Variants in SPTB observed in about 807,000 individuals in gnomAD.
SPTB encodes spectrin beta chain, erythrocytic.
SPTB carries 45 observed loss-of-function variants against 256.2 expected under a neutral mutation model. The ratio of observed to expected loss-of-function variants is 0.18; its 90% CI spans 0.14 to 0.23. SPTB has a LOEUF of 0.23. Ranked by LOEUF, SPTB falls within the 10% of genes least tolerant of loss-of-function variation. The pLI is 1.00. For missense variants in SPTB, 2,715 were observed against 3,040.4 expected, an observed-to-expected ratio of 0.89 and a Z score of 2.52; for synonymous variants, 1,231 against 1,243.1, an observed-to-expected ratio of 0.99 and a Z score of 0.21.
Position 64,775,933 on chromosome 14 carries a change from C to T in SPTB, c.4564-530G>A, listed in dbSNP as rs534795422. Reference sequence around the variant, plus strand: ...GACAGCAGCCCCTTGCTTACAGTCTCAGCTTTTGTTTTTCCCTACTTCTAT... The same window carrying T: ...GACAGCAGCCCCTTGCTTACAGTCTTAGCTTTTGTTTTTCCCTACTTCTAT... On this transcript the variant is annotated intron_variant, in intron 22 of 35. Transcript: ENST00000644917. This position sits in a 1 kb window ranked among gnomAD's most constrained non-coding sequence, Gnocchi z 5.0. Among the ~76,000 whole-genome samples, 137 of 152,318 alleles carry T rather than the reference C, an allele frequency of 9.0e-4. 2 individuals are homozygous for T. Among genetic ancestry groups the T allele is most frequent in the South Asian group, 1.9e-3 (9 of 4,830 alleles).
intron 32 of SPTB, among the ~76,000 whole-genome samples, chr14:64,762,310 T>A (rs1366878921): frequency 6.6e-6 from 1 of 152,228 alleles, no homozygotes; most frequent in Admixed American, 6.5e-5. Context: ...GAGAGCTTGT[T>A]CAGGCGAGAA....
In SPTB at chr14:64,816,958, G is replaced by A. The variant is rs2285002; in HGVS notation, c.148+5989C>T. ...CCCAAAGATGGAGGAGGCTATTAAC[G>A]TGGTTCACTCAGACTGCACTGCCCG... On this transcript the variant is annotated intron_variant, in intron 2 of 35. Transcript: ENST00000644917. This position sits in a 1 kb window ranked among gnomAD's most constrained non-coding sequence, Gnocchi z 4.2. Among the ~76,000 whole-genome samples the A allele has an allele frequency of 0.33, 50,349 of 152,058 alleles. 8,723 individuals carry two copies. The highest frequency in any genetic ancestry group is 0.41 in the African/African-American group (17,129 of 41,464).
rs1258528075 is a variant in SPTB, at chr14:64,852,601, G to A, written c.-52+27191C>T. ...GGACTTTGGTAGCCAAGATGGTGGG[G>A]AGCAATCAGCTTACAAAACTATGTA... On this transcript the variant is annotated intron_variant, in intron 1 of 35. Transcript: ENST00000644917. The surrounding 1 kb of genome is among the most constrained non-coding windows in gnomAD (Gnocchi z 4.2). Among the ~76,000 whole-genome samples, 2 of 152,196 alleles carry A rather than the reference G, an allele frequency of 1.3e-5. No homozygotes were observed. The highest frequency in any genetic ancestry group is 2.9e-5 in the Non-Finnish European group (2 of 68,026).
intron 26 of SPTB, among the ~76,000 whole-genome samples, chr14:64,771,548 G>T (rs980122045): frequency 6.6e-6 from 1 of 152,098 alleles, no homozygotes; most frequent in African/African-American, 2.4e-5. Flanking sequence ...ACTGGTCCAG[G>T]GTCCTTCACA....
At chr14:64,846,068 T>C in intron 1 of SPTB, among the ~76,000 whole-genome samples, 1 of 152,196 alleles carries the variant, frequency 6.6e-6, no homozygotes, top group African/African-American at 2.4e-5. Flanking sequence ...CATTCCTGTA[T>C]CACCCCTGTG....
At chr14:64,787,813 G>A (rs2082600640) in intron 15 of SPTB, among the ~76,000 whole-genome samples, 1 of 152,234 alleles carries the variant, frequency 6.6e-6, no homozygotes, top group Non-Finnish European at 1.5e-5. Flanking sequence ...CTGGGGGCCT[G>A]GGGTCAGTCT....
At chr14:64,834,373 G>A (rs1402417503) in intron 1 of SPTB, among the ~76,000 whole-genome samples, 2 of 151,170 alleles carry the variant, frequency 1.3e-5, no homozygotes, top group Non-Finnish European at 2.9e-5. Context: ...TAGACTGTGT[G>A]GCAAAAGGGA....
rs1244925509 is a variant in SPTB, at chr14:64,750,126, T to C, written c.6631A>G (p.Arg2211Gly). The C allele has an allele frequency of 1.9e-6, 3 of 1,614,022 alleles. No individual in the cohort carries two copies. The highest frequency in any genetic ancestry group is 2.5e-6 in the Non-Finnish European group (3 of 1,180,008). ...RSWNNLYCVL[R>G]NSELTFYKDA... is the part of the protein sequence containing the mutation. ...TTGTAGAAGGTTAGCTCACTGTTCC[T>C]GAGCACACAGTACAGGTTGTTCCAG... is the stretch of plus-strand genomic sequence containing the variant. The change falls in exon 34 of 36, where the codon AGG becomes GGG. Residue 2211 changes from arginine (R) to glycine (G), a missense_variant. Physicochemically the swap from Arg to Gly is moderately radical, Grantham distance 125 (BLOSUM62 -2). Transcript: ENST00000644917.
At position 64,773,415 on chromosome 14, in the gene SPTB, G is replaced by A. The variant is rs779414063; in HGVS notation, c.4983C>T (p.Ile1661=). 37 of 1,613,902 alleles carry A rather than the reference G, an allele frequency of 2.3e-5. No homozygotes were observed. In the South Asian group the frequency reaches 3.8e-4, roughly 17 times the overall value. ...LSAGHPEGEQ[I]IRLQGQVDKH... is the part of the protein sequence containing the mutation. The stretch of plus-strand genomic sequence containing the variant: ...TGTCCACTTGCCCCTGAAGTCTGAT[G>A]ATCTGTTCCCTGGAATTCAAAACCA... Residue 1661 remains isoleucine (I), a synonymous_variant, in exon 25 of 36, where the codon ATC becomes ATT. Coordinates refer to ENST00000644917, the MANE Select transcript of SPTB (RefSeq NM_001355436.2).
In SPTB at chr14:64,852,749, G is replaced by A. The variant is rs770949936; in HGVS notation, c.-52+27043C>T. On this transcript the variant is annotated intron_variant, in intron 1 of 35. Coordinates refer to ENST00000644917, the MANE Select transcript of SPTB (RefSeq NM_001355436.2). The surrounding 1 kb of genome is among the most constrained non-coding windows in gnomAD (Gnocchi z 4.2). ...TTACAAGACAAGGAGGAAGTTTAGCGGGGATAAAGGATGAGTTCAATGGGT... is the reference window on the plus strand; with the variant it reads ...TTACAAGACAAGGAGGAAGTTTAGCAGGGATAAAGGATGAGTTCAATGGGT... 8.5e-5 allele frequency among the ~76,000 whole-genome samples: 13 copies of A among 152,154 alleles called. No homozygotes were observed. Among genetic ancestry groups the A allele is most frequent in the African/African-American group, 2.9e-4 (12 of 41,416 alleles).
intron 6 of SPTB, among the ~76,000 whole-genome samples, 175 bp downstream of exon 6, chr14:64,801,579 G>A (rs1225089005): frequency 2.0e-5 from 3 of 152,088 alleles, no homozygotes; most frequent in African/African-American, 7.2e-5. Flanking sequence ...TGAGGGAAGT[G>A]GGCGGCAGGC....
Position 64,804,979 on chromosome 14 carries a change from A to G in SPTB, c.260T>C (p.Met87Thr). 1 of 1,614,180 alleles carries G rather than the reference A, an allele frequency of 6.2e-7. No individual in the cohort carries two copies. Among genetic ancestry groups the G allele is most frequent in the Non-Finnish European group, 8.5e-7 (1 of 1,180,032 alleles). Residue 87 changes from methionine to threonine, a missense_variant, in exon 3 of 36, where the codon ATG (methionine) becomes ACG (threonine). Transcript: ENST00000644917. ...GAGCACCTCCAGCAGCTTGATGAGC[A>G]TGCGCCCATCCCGCAGGTCCTTGTA... ...DLYKDLRDGR[M>T]LIKLLEVLSG...
intron 9 of SPTB, among the ~76,000 whole-genome samples, chr14:64,798,788 C>T (rs2082824306): frequency 6.6e-6 from 1 of 152,208 alleles, no homozygotes; most frequent in Admixed American, 6.5e-5. Flanking sequence ...CTAGACTCAG[C>T]ATTTCACCTT....
Position 64,749,228 on chromosome 14 carries a change from G to T in SPTB, c.*78C>A. 1 of 1,499,098 alleles carries T rather than the reference G, an allele frequency of 6.7e-7. No homozygotes were observed. 92.9% of individuals were successfully genotyped at this position (1,499,098 alleles called of 1,614,324 possible). A position where few individuals can be genotyped will look rare whatever the true frequency, so the allele number is the denominator to read the frequency against. ...ACTCATCTCGATTCGACCGGCGGGC[G>T]GCGGCGAGAGGAGGCCAAGGCCTGG... On this transcript the variant is annotated 3_prime_UTR_variant, in exon 36 of 36. Coordinates refer to ENST00000644917, the MANE Select transcript of SPTB (RefSeq NM_001355436.2). The surrounding 1 kb of genome is among the most constrained non-coding windows in gnomAD (Gnocchi z 4.7).
At chr14:64,829,532 G>A (rs1384527897) in intron 1 of SPTB, among the ~76,000 whole-genome samples, 2 of 152,206 alleles carry the variant, frequency 1.3e-5, no homozygotes, top group African/African-American at 2.4e-5. Context: ...TTATGGTTAT[G>A]TAAGAAAATG....
At chr14:64,804,091 C>G (rs1297335460) in intron 3 of SPTB, among the ~76,000 whole-genome samples, 1 of 152,204 alleles carries the variant, frequency 6.6e-6, no homozygotes, top group East Asian at 1.9e-4. Flanking sequence ...TGATCCCTTA[C>G]CATGTGCCAG....
chr14:64,767,677 C>G lies in SPTB; in HGVS notation c.6205G>C (p.Glu2069Gln). Residue 2069 changes from glutamate to glutamine, a missense_variant, in exon 30 of 36, where the codon GAG becomes CAG. Glu to Gln is a conservative substitution (Grantham distance 29, BLOSUM62 2). Coordinates refer to ENST00000644917, the MANE Select transcript of SPTB (RefSeq NM_001355436.2). ...TCCCTGCTCACCGTGGTGGGCTTCT[C>G]CAGGGCAGCAAAGCGCTCTGCCCAG... ...ASWAERFAAL[E>Q]KPTTLELKER... 1 of 1,614,164 alleles carries G rather than the reference C, an allele frequency of 6.2e-7. No individual in the cohort carries two copies.
chr14:64,872,770 G>C (rs910862294), intron 1 of SPTB, among the ~76,000 whole-genome samples: 4 of 152,038 alleles, frequency 2.6e-5, no homozygotes, highest in Non-Finnish European at 5.9e-5. Flanking sequence ...ACTGAATCAC[G>C]GGGGTGGGTT....
rs754164238 is a variant in SPTB, at chr14:64,793,781, C to T, written c.1882G>A (p.Gly628Arg). 1 of 1,613,980 alleles carries T rather than the reference C, an allele frequency of 6.2e-7. No homozygotes were observed. The change falls in exon 14 of 36, where the codon GGG (glycine) becomes AGG (arginine). Residue 628 changes from glycine (G) to arginine (R), a missense_variant. This residue lies in a region of SPTB where 2,239 missense variants were observed against 2,384.4 expected (regional missense o/e 0.94). Transcript: ENST00000644917. The surrounding 1 kb of genome is among the most constrained non-coding windows in gnomAD (Gnocchi z 7.0). ...GACTGCTCCAGTTGGGCCTTCCGCC[C>T]AGCTGCCATGTTGCTCAGCTCCTCA... ...CFEELSNMAAGRKAQLEQSKR... is the reference protein window; with the variant it reads ...CFEELSNMAARRKAQLEQSKR...
Sources: allele counts gnomAD v4.1 joint callset (sites outside exome capture counted in the v4.1 genomes callset), GRCh38; gene constraint gnomAD v4.1.1; regional missense constraint gnomAD v4.1.1; non-coding constraint Gnocchi (gnomAD v3.1); transcripts MANE v1.5; gene names NCBI Gene and HGNC (gene_info 2026-07-23, HGNC 2026-07-21).